Variants in POSTN observed in about 807,000 individuals in gnomAD.
POSTN encodes the protein periostin, also known as osteoblast specific factor 2 (fasciclin I-like).
Under a neutral mutation model 104.5 loss-of-function variants are expected in POSTN, and 71 were observed. The observed-to-expected ratio is 0.68, with a 90% CI of 0.56 to 0.83. The LOEUF is 0.83. POSTN is among the 40% of genes least tolerant of loss of function. The probability of loss-of-function intolerance (pLI) is 0.00; values close to 1 mark genes in which losing one functional copy is unlikely to be tolerated. For synonymous variants in POSTN, 355 were observed against 340.7 expected, an observed-to-expected ratio of 1.04 and a Z score of -0.46; for missense variants, 949 against 1,006.8, an observed-to-expected ratio of 0.94 and a Z score of 0.78.
chr13:37,586,087 T>C lies in POSTN; in HGVS notation c.895+52A>G, dbSNP rs1390766418. ...TTGGTAAGGACTAGCCTCTTTTTTA[T>C]TCCCTTCTCAGAATGCTGGGAGACT... is the stretch of plus-strand genomic sequence containing the variant. On this transcript the variant is annotated intron_variant, in intron 7 of 22. Coordinates refer to ENST00000379747, the MANE Select transcript of POSTN (RefSeq NM_006475.3). The C allele has an allele frequency of 4.0e-6, 6 of 1,516,358 alleles. No individual in the cohort carries two copies. The Admixed American group carries it at 6.2e-5, about 16-fold the overall frequency. The allele number at this position is 1,516,358 out of a possible 1,614,324, so 93.9% of individuals were successfully genotyped here.
In POSTN at chr13:37,598,718, G is replaced by T. The variant is rs1951162404; in HGVS notation, c.9C>A (p.Pro3=). 2.5e-6 allele frequency: 4 copies of T among 1,612,798 alleles called. 1 individual carries two copies. In the South Asian group the frequency reaches 3.3e-5, roughly 13 times the overall value. The part of the protein sequence containing the change: MI[P]FLPMFSLLLL... ...ATAGTAGAGAAAACATGGGTAAAAA[G>T]GGAATCATCTTGAGTCTCTCCGTTG... Residue 3 remains proline (P), a synonymous_variant, in exon 1 of 23, where the codon CCC becomes CCA. Coordinates refer to ENST00000379747, the MANE Select transcript of POSTN (RefSeq NM_006475.3).
chr13:37,579,644 G>GTGAACA (rs1455605094), intron 12 of POSTN, among the ~76,000 whole-genome samples: 1 of 152,096 alleles, frequency 6.6e-6, no homozygotes, highest in Non-Finnish European at 1.5e-5. Context: ...AACCACATAA[G>GTGAACA]TGAACATCTA....
At chr13:37,586,731 G>A in intron 6 of POSTN, 51 bp downstream of exon 6, 1 of 1,515,664 alleles carries the variant, frequency 6.6e-7, no homozygotes, top group Non-Finnish European at 8.9e-7. Flanking sequence ...GATTTTGACA[G>A]GAGAAGAAGA....
At position 37,590,528 on chromosome 13, in the gene POSTN, A is replaced by C; in HGVS notation, c.285T>G (p.Val95=). ...TGCCATAAACATGGTCAATGGGCAAAACTGAAATAATCAAGAAATGAATCA... is the reference window on the plus strand; with the variant it reads ...TGCCATAAACATGGTCAATGGGCAACACTGAAATAATCAAGAAATGAATCA... The part of the protein sequence containing the change: ...RMEGMKGCPA[V]LPIDHVYGTL... The change falls in exon 4 of 23, where the codon GTT becomes GTG. Residue 95 remains valine, a splice_region_variant and synonymous_variant. Coordinates refer to ENST00000379747, the MANE Select transcript of POSTN (RefSeq NM_006475.3). The C allele has an allele frequency of 6.2e-7, 1 of 1,608,356 alleles. No homozygotes were observed. The highest frequency in any genetic ancestry group is 8.5e-7 in the Non-Finnish European group (1 of 1,176,010).
At chr13:37,585,625 C>G (rs1453395639) in intron 7 of POSTN, among the ~76,000 whole-genome samples, 1 of 152,126 alleles carries the variant, frequency 6.6e-6, no homozygotes, top group African/African-American at 2.4e-5. Flanking sequence ...AAAATTTTCT[C>G]ATCTTAAATT....
intron 3 of POSTN, 104 bp from the exon 4 acceptor site, chr13:37,590,633 A>G: frequency 1.1e-6 from 1 of 911,088 alleles, no homozygotes; most frequent in South Asian, 3.8e-5. Flanking sequence ...TTTAGCTAAT[A>G]ATTTTAGCAA....
Position 37,580,591 on chromosome 13 carries a change from T to C in POSTN, c.1499A>G (p.His500Arg), listed in dbSNP as rs1411813661. 11 of 1,614,164 alleles carry C rather than the reference T, an allele frequency of 6.8e-6. No homozygotes were observed. Among genetic ancestry groups the C allele is most frequent in the Non-Finnish European group, 9.3e-6 (11 of 1,180,010 alleles). Residue 500 changes from histidine (H) to arginine (R), a missense_variant, in exon 11 of 23, where the codon CAT becomes CGT. Transcript: ENST00000379747. ...EIIKPAEKSL[H>R]EKLKQDKRFS... ...GCGCTTATCTTGTTTTAACTTTTCA[T>C]GGAGGGATTTCTCTGCTGGCTTGAT...
At chr13:37,569,510 A>G in intron 20 of POSTN, 127 bp from the exon 21 acceptor site, 1 of 869,546 alleles carries the variant, frequency 1.2e-6, no homozygotes, top group South Asian at 1.4e-5. Context: ...TCTTTCACAA[A>G]TTTTAGTGCT....
chr13:37,563,168 T>C lies in POSTN; in HGVS notation c.*165A>G. On this transcript the variant is annotated 3_prime_UTR_variant, in exon 23 of 23. Coordinates refer to ENST00000379747, the MANE Select transcript of POSTN (RefSeq NM_006475.3). ...GCTAACTCCACAATTTCCCTCATGT[T>C]TCTCATTCAGAAAAAAAAATATTAA... The C allele has an allele frequency of 2.5e-6, 1 of 404,240 alleles. No homozygotes were observed. Among genetic ancestry groups the C allele is most frequent in the Non-Finnish European group, 4.4e-6 (1 of 227,084 alleles). 25.0% of individuals were successfully genotyped at this position (404,240 alleles called of 1,614,324 possible).
Position 37,571,726 on chromosome 13 carries a change from G to A in POSTN, c.2090-268C>T, listed in dbSNP as rs540858681. On this transcript the variant is annotated intron_variant, in intron 17 of 22. Transcript: ENST00000379747. ...GATGGATAAATCCATCTGTTTATTC[G>A]TAGTTATAAAGTATGATTATGCAAA... 9.3e-4 allele frequency among the ~76,000 whole-genome samples: 141 copies of A among 151,686 alleles called. 1 individual carries two copies. The highest frequency in any genetic ancestry group is 3.2e-3 in the African/African-American group (131 of 41,482).
rs556128986 is a variant in POSTN at position 37,589,760 on chromosome 13, A to T, written c.441+612T>A. The stretch of plus-strand genomic sequence containing the variant: ...TATTTCACTCTAGTAATAATTATCA[A>T]TTCATCTCCATATCTAGTAGAAAGT... On this transcript the variant is annotated intron_variant, in intron 4 of 22. Coordinates refer to ENST00000379747, the MANE Select transcript of POSTN (RefSeq NM_006475.3). Among the ~76,000 whole-genome samples, 10 of 152,320 alleles carry T rather than the reference A, an allele frequency of 6.6e-5. No homozygotes were observed. The South Asian group carries it at 1.7e-3, about 25-fold the overall frequency.
At chr13:37,588,168 ATACT>A (rs1367051711) in intron 4 of POSTN, among the ~76,000 whole-genome samples, 182 bp from the exon 5 acceptor site, 5 of 152,146 alleles carry the variant, frequency 3.3e-5, no homozygotes, top group Non-Finnish European at 7.4e-5. Context: ...GTAAGTTCAG[ATACT>A]TACTTAAGGA....
intron 17 of POSTN, among the ~76,000 whole-genome samples, chr13:37,573,183 C>A (rs1014921354): frequency 2.6e-5 from 4 of 151,386 alleles, no homozygotes; most frequent in African/African-American, 4.8e-5. Flanking sequence ...AGAAGCTGTG[C>A]ACAATTATAG....
chr13:37,585,921 C>A (rs1291657122), intron 7 of POSTN, among the ~76,000 whole-genome samples: 1 of 152,134 alleles, frequency 6.6e-6, no homozygotes, highest in African/African-American at 2.4e-5. Flanking sequence ...TACTTGAAAG[C>A]AGTATGAAAG....
At chr13:37,586,959 A>G (rs1238004463) in intron 5 of POSTN, 31 bp from the exon 6 acceptor site, 5 of 1,607,866 alleles carry the variant, frequency 3.1e-6, no homozygotes, top group Non-Finnish European at 4.3e-6. Context: ...CAAAGTGCTG[A>G]AACCAGAGAT....
At chr13:37,576,012 G>C (rs1286337501) in intron 16 of POSTN, among the ~76,000 whole-genome samples, 1 of 152,094 alleles carries the variant, frequency 6.6e-6, no homozygotes, top group Non-Finnish European at 1.5e-5. Flanking sequence ...CGTTTTGGAT[G>C]TTCAGCTGGT....
At chr13:37,592,384 C>T (rs559615218) in intron 2 of POSTN, among the ~76,000 whole-genome samples, 33 of 152,138 alleles carry the variant, frequency 2.2e-4, no homozygotes, top group East Asian at 1.7e-3. Flanking sequence ...CTGCAAGCTC[C>T]GCCTCTCGGG....
chr13:37,595,224 AG>A (rs2138404741), intron 2 of POSTN, among the ~76,000 whole-genome samples: 1 of 152,250 alleles, frequency 6.6e-6, no homozygotes, highest in South Asian at 2.1e-4. Context: ...TTTCTTATCT[AG>A]TTAAGTGTGC....
At position 37,580,125 on chromosome 13, in the gene POSTN, G is replaced by A. The variant is rs538799141; in HGVS notation, c.1530-134C>T. ...CTGCTCATACATTTTCATATGTTTC[G>A]AATACAATTTACCTGTTAAAAGTTT... On this transcript the variant is annotated intron_variant, in intron 11 of 22. Transcript: ENST00000379747. The A allele has an allele frequency of 2.7e-4, 221 of 830,124 alleles. 1 individual carries two copies. Among genetic ancestry groups the A allele is most frequent in the East Asian group, 2.2e-4 (8 of 37,160 alleles). 51.4% of individuals were successfully genotyped at this position (830,124 alleles called of 1,614,324 possible). A position where few individuals can be genotyped will look rare whatever the true frequency, so the allele number is the denominator to read the frequency against.
Sources: gnomAD v4.1 joint callset for allele counts (sites outside exome capture counted in the v4.1 genomes callset) on GRCh38, gnomAD v4.1.1 for gene constraint, MANE v1.5 for transcripts, NCBI Gene and HGNC (gene_info 2026-07-23, HGNC 2026-07-21) for gene names.